Variants in IQCJ observed in about 807,000 individuals in gnomAD.
The protein encoded by IQCJ is IQ domain-containing protein J.
Under a neutral mutation model 11.0 loss-of-function variants are expected in IQCJ, and 9 were observed. The ratio of observed to expected loss-of-function variants is 0.82; its 90% confidence interval spans 0.49 to 1.43. The LOEUF (loss-of-function observed/expected upper bound fraction) is 1.43. Ranked by LOEUF, IQCJ falls within the 40% of genes most tolerant of loss-of-function variation. The probability of loss-of-function intolerance (pLI) is 0.00; values close to 1 mark genes in which losing one functional copy is unlikely to be tolerated. For missense variants in IQCJ, 146 were observed against 133.2 expected (o/e 1.10, Z -0.47); for synonymous variants, 55 against 51.3 (o/e 1.07, Z -0.31).
chr3:159,074,979 C>A (rs1715818458), intron 1 of IQCJ, among the ~76,000 whole-genome samples: 2 of 152,142 alleles, frequency 1.3e-5, no homozygotes, highest in East Asian at 1.9e-4. Context: ...GAAACTGCTG[C>A]CTCCCACTGC....
chr3:159,250,905 T>C (rs1727558396), intron 2 of IQCJ, among the ~76,000 whole-genome samples: 1 of 152,212 alleles, frequency 6.6e-6, no homozygotes, highest in Non-Finnish European at 1.5e-5. Flanking sequence ...ATGTTCATGT[T>C]CTCCTAGATT....
At chr3:159,229,395 A>C (rs1413492532) in intron 1 of IQCJ, among the ~76,000 whole-genome samples, 1 of 152,050 alleles carries the variant, frequency 6.6e-6, no homozygotes, top group Non-Finnish European at 1.5e-5. Flanking sequence ...AAAATGTTTA[A>C]GTCAGTTTTT....
chr3:159,141,509 C>T (rs1720602015), intron 1 of IQCJ, among the ~76,000 whole-genome samples: 2 of 152,128 alleles, frequency 1.3e-5, no homozygotes, highest in Admixed American at 6.5e-5. Flanking sequence ...AATTTTCCAC[C>T]TGTAACCATG....
chr3:159,088,300 CTGT>C (rs1716953164), intron 1 of IQCJ, among the ~76,000 whole-genome samples: 1 of 151,968 alleles, frequency 6.6e-6, no homozygotes, highest in Non-Finnish European at 1.5e-5. Flanking sequence ...GTTATAATTT[CTGT>C]TCTTTTACAT....
chr3:159,149,728 G>A (rs1360120211), intron 1 of IQCJ, among the ~76,000 whole-genome samples: 2 of 152,134 alleles, frequency 1.3e-5, no homozygotes, highest in Non-Finnish European at 2.9e-5. Context: ...TAAACTACAA[G>A]TAAATTGGAT....
intron 1 of IQCJ, among the ~76,000 whole-genome samples, chr3:159,245,110 C>CGT (rs989905762): frequency 2.7e-4 from 41 of 151,798 alleles, no homozygotes; most frequent in African/African-American, 7.3e-4. Flanking sequence ...ATTGAGGGAT[C>CGT]GTGTGTGTGT....
At chr3:159,078,111 C>T (rs1227648509) in intron 1 of IQCJ, among the ~76,000 whole-genome samples, 1 of 78,862 alleles carries the variant, frequency 1.3e-5, no homozygotes, top group Non-Finnish European at 4.1e-5. Flanking sequence ...AATTCATGCA[C>T]TTAGAGAGGA....
At chr3:159,172,450 C>G (rs1722531737) in intron 1 of IQCJ, among the ~76,000 whole-genome samples, 1 of 151,694 alleles carries the variant, frequency 6.6e-6, no homozygotes, top group South Asian at 2.1e-4. Flanking sequence ...TTTTCTTTGA[C>G]TGTGTTTATC....
At chr3:159,177,752 A>G in intron 1 of IQCJ, among the ~76,000 whole-genome samples, 1 of 152,224 alleles carries the variant, frequency 6.6e-6, no homozygotes, top group South Asian at 2.1e-4. Flanking sequence ...ATGTTATTCA[A>G]TTTTTAAAGA....
intron 1 of IQCJ, among the ~76,000 whole-genome samples, chr3:159,201,206 A>T (rs1477646552): frequency 2.0e-5 from 3 of 152,188 alleles, no homozygotes; most frequent in Non-Finnish European, 2.9e-5. Flanking sequence ...TACATTTAAT[A>T]ATTGTATAAG....
In IQCJ at chr3:159,263,181, C is replaced by A. The variant is rs1309199119; in HGVS notation, c.*450C>A. On this transcript the variant is annotated 3_prime_UTR_variant, in exon 4 of 4. Coordinates refer to ENST00000397832, the MANE Select transcript of IQCJ (RefSeq NM_001042706.3). ...TGGCTGAGCTGTGCCCCTGGCTACA[C>A]GGAGAACATAGACCTCACCTGAAGG... 5 of 586,508 alleles carry A rather than the reference C, an allele frequency of 8.5e-6. No homozygotes were observed. The highest frequency in any genetic ancestry group is 2.0e-5 in the African/African-American group (1 of 49,446). The allele number at this position is 586,508 out of a possible 1,614,324, so 36.3% of individuals were successfully genotyped here.
chr3:159,071,914 A>G (rs1363523467), intron 1 of IQCJ, among the ~76,000 whole-genome samples: 1 of 152,158 alleles, frequency 6.6e-6, no homozygotes, highest in East Asian at 1.9e-4. Context: ...TGTCTTAACA[A>G]ACATTTTATT....
At chr3:159,087,955 T>A (rs972184604) in intron 1 of IQCJ, among the ~76,000 whole-genome samples, 1 of 149,722 alleles carries the variant, frequency 6.7e-6, no homozygotes, top group African/African-American at 2.4e-5. Flanking sequence ...TCTTGCCTTC[T>A]GCTAGCTTTT....
At chr3:159,239,671 T>G (rs1726796358) in intron 1 of IQCJ, among the ~76,000 whole-genome samples, 1 of 152,226 alleles carries the variant, frequency 6.6e-6, no homozygotes, top group Non-Finnish European at 1.5e-5. Context: ...GTTTGACCAT[T>G]TCCAGTCCTG....
At chr3:159,133,219 T>C (rs1215034288) in intron 1 of IQCJ, among the ~76,000 whole-genome samples, 1 of 152,184 alleles carries the variant, frequency 6.6e-6, no homozygotes, top group African/African-American at 2.4e-5. Context: ...GATTAAGACC[T>C]GAATAAGAAA....
intron 1 of IQCJ, among the ~76,000 whole-genome samples, chr3:159,165,810 T>C (rs922828266): frequency 6.5e-5 from 9 of 138,390 alleles, no homozygotes; most frequent in Admixed American, 1.5e-4. Flanking sequence ...TTTTTTTTTT[T>C]AGTAAAGACA....
intron 1 of IQCJ, among the ~76,000 whole-genome samples, chr3:159,214,581 T>A (rs1725122480): frequency 6.6e-6 from 1 of 152,224 alleles, no homozygotes; most frequent in Admixed American, 6.5e-5. Flanking sequence ...AATTTCTACA[T>A]GTGGCCCAGG....
intron 1 of IQCJ, chr3:159,069,765 G>C (rs1468847914): frequency 3.8e-6 from 2 of 529,156 alleles, no homozygotes; most frequent in African/African-American, 3.8e-5. Context: ...CACAACAACA[G>C]CAAGTAGAGG....
rs527930513 is a variant in IQCJ at position 159,154,212 on chromosome 3, T to A, written c.9+84771T>A. On this transcript the variant is annotated intron_variant, in intron 1 of 3. Transcript: ENST00000397832. ...TCATTAGAAAGATTTCACACTTAGA[T>A]TGCTTCATAATTTTTTTTACATTAG... Among the ~76,000 whole-genome samples, 62 of 152,280 alleles carry A rather than the reference T, an allele frequency of 4.1e-4. 1 individual carries two copies. Among genetic ancestry groups the A allele is most frequent in the Middle Eastern group, 6.8e-3 (2 of 294 alleles).
Sources: allele counts gnomAD v4.1 joint callset (sites outside exome capture counted in the v4.1 genomes callset), GRCh38; gene constraint gnomAD v4.1.1; transcripts MANE v1.5; gene names NCBI Gene and HGNC (gene_info 2026-07-23, HGNC 2026-07-21).